FBRSL1: variants seen among roughly 807,000 people sequenced by gnomAD.
FBRSL1 encodes the protein fibrosin-1-like protein.
A neutral mutation model predicts 89.6 loss-of-function variants in FBRSL1; 51 were observed. That is an observed-to-expected ratio of 0.57 (90% CI 0.45 to 0.72). The LOEUF is 0.72. Ranked by LOEUF, FBRSL1 falls within the 30% of genes least tolerant of loss-of-function variation. The pLI is 0.00. For synonymous variants in FBRSL1, 779 were observed against 681.1 expected (o/e 1.14, Z -2.24); for missense variants, 1,618 against 1,451.8 (o/e 1.11, Z -1.86).
intron 2 of FBRSL1, among the ~76,000 whole-genome samples, chr12:132,512,266 T>C (rs2034430561): frequency 6.6e-6 from 1 of 152,244 alleles, no homozygotes; most frequent in African/African-American, 2.4e-5. Context: ...ATCAGTGTCC[T>C]GGGGACTGGT....
intron 2 of FBRSL1, among the ~76,000 whole-genome samples, chr12:132,515,922 T>G (rs936421194): frequency 1.2e-4 from 14 of 119,038 alleles, no homozygotes; most frequent in Non-Finnish European, 2.4e-4. Flanking sequence ...AAAAAAAAAA[T>G]TAATAAGGTA....
At chr12:132,493,859 A>G (rs954116904) in intron 1 of FBRSL1, among the ~76,000 whole-genome samples, 2 of 152,104 alleles carry the variant, frequency 1.3e-5, no homozygotes, top group Non-Finnish European at 2.9e-5. Flanking sequence ...GGCACTCCCT[A>G]AATGGTGGTG....
At position 132,582,083 on chromosome 12, in the gene FBRSL1, C is replaced by A; in HGVS notation, c.2018C>A (p.Ala673Asp). ...HALAPGGSIFAPKEGSSVHGL... is the reference protein window; with the variant it reads ...HALAPGGSIFDPKEGSSVHGL... ...CCAGCTCCCGGTGGCAGCATCTTTG[C>A]CCCCAAGGAGGGCTCCTCCGTGCAC... The change falls in exon 18 of 19, where the codon GCC (alanine) becomes GAC (aspartate). Residue 673 changes from alanine (A) to aspartate (D), a missense_variant. By Grantham distance (126) the Ala-to-Asp change is moderately radical. Coordinates refer to ENST00000680143, the MANE Select transcript of FBRSL1 (RefSeq NM_001367871.1). 1 of 1,547,928 alleles carries A rather than the reference C, an allele frequency of 6.5e-7. No individual in the cohort carries two copies. The highest frequency in any genetic ancestry group is 8.7e-7 in the Non-Finnish European group (1 of 1,145,550).
chr12:132,541,103 G>A lies in FBRSL1; in HGVS notation c.616-6900G>A, dbSNP rs566238783. On this transcript the variant is annotated intron_variant, in intron 4 of 18. Transcript: ENST00000680143. Reference sequence around the variant, plus strand: ...ATCCACTGTGAGCCTGGGGGGCACAGCCTCCCACCACATCCCTACCCCGAG... The same window carrying A: ...ATCCACTGTGAGCCTGGGGGGCACAACCTCCCACCACATCCCTACCCCGAG... Among the ~76,000 whole-genome samples, 242 of 148,850 alleles carry A rather than the reference G, an allele frequency of 1.6e-3. 1 individual carries two copies. Among genetic ancestry groups the A allele is most frequent in the African/African-American group, 5.7e-3 (227 of 39,804 alleles).
At chr12:132,556,008 T>A (rs1343143970) in intron 5 of FBRSL1, among the ~76,000 whole-genome samples, 1 of 152,162 alleles carries the variant, frequency 6.6e-6, no homozygotes, top group South Asian at 2.1e-4. Flanking sequence ...CCTGGGGTCC[T>A]CTCTTCTCAG....
chr12:132,554,151 G>T (rs1593466089), intron 5 of FBRSL1: 2 of 152,260 alleles, frequency 1.3e-5, no homozygotes, highest in Admixed American at 1.3e-4. Flanking sequence ...ACTGCAGCGG[G>T]CGTCAGACCC....
intron 4 of FBRSL1, among the ~76,000 whole-genome samples, chr12:132,532,569 T>C (rs2036379577): frequency 6.6e-6 from 1 of 152,116 alleles, no homozygotes; most frequent in Admixed American, 6.5e-5. Context: ...AACTGAGGTG[T>C]GGAGAAATCC....
At chr12:132,555,833 G>A (rs2038590774) in intron 5 of FBRSL1, among the ~76,000 whole-genome samples, 1 of 152,202 alleles carries the variant, frequency 6.6e-6, no homozygotes. Context: ...CCCATCTGAG[G>A]GTCAGGATGG....
At position 132,582,043 on chromosome 12, in the gene FBRSL1, C is replaced by G; in HGVS notation, c.1997-19C>G. 6.5e-7 allele frequency: 1 copy of G among 1,535,680 alleles called. No homozygotes were observed. The highest frequency in any genetic ancestry group is 8.8e-7 in the Non-Finnish European group (1 of 1,137,844). Reference sequence around the variant, plus strand: ...GAGCAGACAGACCCAACCTCATGCTCCCCGGCCTCTGCCCCCAGCTCCCGG... The same window carrying G: ...GAGCAGACAGACCCAACCTCATGCTGCCCGGCCTCTGCCCCCAGCTCCCGG... On this transcript the variant is annotated intron_variant, in intron 17 of 18. Transcript: ENST00000680143.
At position 132,509,283 on chromosome 12, in the gene FBRSL1, G is replaced by C. The variant is rs2034049870; in HGVS notation, c.489+933G>C. 3.2e-6 allele frequency: 4 copies of C among 1,253,008 alleles called. No homozygotes were observed. The South Asian group carries it at 1.6e-4, about 51-fold the overall frequency. The allele number at this position is 1,253,008 out of a possible 1,614,324, so 77.6% of individuals were successfully genotyped here. On this transcript the variant is annotated intron_variant, in intron 2 of 18. Coordinates refer to ENST00000680143, the MANE Select transcript of FBRSL1 (RefSeq NM_001367871.1). ...CAGCCAGCCCCAGGGGTCCCTCCCA[G>C]CCCCGTCGGCACTCCCGGACCCTGG...
In FBRSL1 at chr12:132,581,524, T is replaced by G. The variant is rs972869348; in HGVS notation, c.1912+8T>G. Reference sequence around the variant, plus strand: ...CCACTGGCCCCCTGACAGGTGGGTGTCTCTGAATTCAGCCCACGCAGCCTG... The same window carrying G: ...CCACTGGCCCCCTGACAGGTGGGTGGCTCTGAATTCAGCCCACGCAGCCTG... On this transcript the variant is annotated splice_region_variant and intron_variant, in intron 16 of 18. Transcript: ENST00000680143. 27 of 1,550,626 alleles carry G rather than the reference T, an allele frequency of 1.7e-5. No individual in the cohort carries two copies. Among genetic ancestry groups the G allele is most frequent in the Non-Finnish European group, 2.4e-5 (27 of 1,146,752 alleles).
chr12:132,552,252 G>A (rs2038231184), intron 5 of FBRSL1: 1 of 158,256 alleles, frequency 6.3e-6, no homozygotes. Context: ...GGGGCGCTGT[G>A]CCCGACTGGG....
chr12:132,534,877 C>T (rs894365764), intron 4 of FBRSL1, among the ~76,000 whole-genome samples: 1 of 152,238 alleles, frequency 6.6e-6, no homozygotes, highest in Non-Finnish European at 1.5e-5. Context: ...GGACCCTGGC[C>T]TGGAGGGGCC....
At chr12:132,572,403 G>T in intron 10 of FBRSL1, 59 bp downstream of exon 10, 1 of 1,536,264 alleles carries the variant, frequency 6.5e-7, no homozygotes, top group East Asian at 2.5e-5. Context: ...TGGCCACGGG[G>T]CGGTGGGTGG....
chr12:132,496,101 G>A (rs76882377), intron 1 of FBRSL1, among the ~76,000 whole-genome samples: 19 of 152,368 alleles, frequency 1.2e-4, no homozygotes, highest in Non-Finnish European at 1.9e-4. Flanking sequence ...ACCTCCGCAC[G>A]TGCTGCGCAC....
intron 18 of FBRSL1, 147 bp from the exon 19 acceptor site, chr12:132,582,824 C>T (rs2040872016): frequency 1.7e-6 from 1 of 589,036 alleles, no homozygotes; most frequent in East Asian, 3.8e-5. Context: ...TTTTGGGAGC[C>T]TGTGGGGGTG....
intron 2 of FBRSL1, among the ~76,000 whole-genome samples, chr12:132,520,815 G>C (rs982942422): frequency 6.6e-6 from 1 of 152,182 alleles, no homozygotes; most frequent in Non-Finnish European, 1.5e-5. Context: ...CTGTCCCTTC[G>C]GGAGCGAAGG....
chr12:132,518,622 G>A (rs1369321777), intron 2 of FBRSL1, among the ~76,000 whole-genome samples: 2 of 105,230 alleles, frequency 1.9e-5, no homozygotes, highest in Non-Finnish European at 3.9e-5. Flanking sequence ...GTCTATCCAT[G>A]CATCCACCCA....
chr12:132,571,914 G>GA, intron 9 of FBRSL1: 1 of 353,514 alleles, frequency 2.8e-6, no homozygotes, highest in Non-Finnish European at 5.1e-6. Flanking sequence ...CTGGGGGCTG[G>GA]AGTCCCCTCC....
Sources: gnomAD v4.1 joint callset for allele counts (sites outside exome capture counted in the v4.1 genomes callset) on GRCh38, gnomAD v4.1.1 for gene constraint, MANE v1.5 for transcripts, NCBI Gene and HGNC (gene_info 2026-07-23, HGNC 2026-07-21) for gene names.